The following STAC variants were observed in gnomAD, a reference collection of about 807,000 sequenced individuals.
STAC encodes SH3 and cysteine rich domain.
A neutral mutation model predicts 48.8 loss-of-function variants in STAC; 43 were observed. The observed-to-expected ratio is 0.88, with a 90% CI of 0.69 to 1.14. The LOEUF is 1.14. Among genes scored for constraint, STAC ranks in the 50% most tolerant of loss-of-function variants. The probability of loss-of-function intolerance (pLI) is 0.00; values close to 1 mark genes in which losing one functional copy is unlikely to be tolerated. For synonymous variants in STAC, 193 were observed against 179.5 expected (o/e 1.07, Z -0.60); for missense variants, 497 against 504.0 (o/e 0.99, Z 0.13).
At chr3:36,452,187 A>AT (rs541333913) in intron 2 of STAC, among the ~76,000 whole-genome samples, 1 of 152,046 alleles carries the variant, frequency 6.6e-6, no homozygotes, top group Admixed American at 6.6e-5. Flanking sequence ...GTGAGATTTT[A>AT]TTTTTTGCTT....
intron 3 of STAC, among the ~76,000 whole-genome samples, chr3:36,483,646 C>T (rs527553475): frequency 1.3e-5 from 2 of 152,238 alleles, no homozygotes; most frequent in South Asian, 4.2e-4. Flanking sequence ...GTCCTGGTGC[C>T]ACATATTGAT....
chr3:36,386,751 A>G (rs920483370), intron 1 of STAC, among the ~76,000 whole-genome samples: 17 of 152,116 alleles, frequency 1.1e-4, no homozygotes, highest in Non-Finnish European at 2.1e-4. Context: ...ACCTTCTACC[A>G]GTACAGCACT....
At chr3:36,499,827 C>A (rs1381192158) in intron 6 of STAC, among the ~76,000 whole-genome samples, 1 of 151,174 alleles carries the variant, frequency 6.6e-6, no homozygotes. Context: ...ACTTTTCAGA[C>A]ATAGAAACCA....
chr3:36,526,563 C>A (rs936233136), intron 8 of STAC, among the ~76,000 whole-genome samples: 4 of 152,148 alleles, frequency 2.6e-5, no homozygotes, highest in African/African-American at 9.7e-5. Flanking sequence ...AACACCCAGG[C>A]CTGTGAGTGA....
chr3:36,413,735 T>C (rs1352804210), intron 1 of STAC, among the ~76,000 whole-genome samples: 2 of 152,194 alleles, frequency 1.3e-5, no homozygotes, highest in African/African-American at 2.4e-5. Flanking sequence ...AGCTGGTTAT[T>C]TTGCTCATTA....
rs572052214 is a variant in STAC at position 36,478,522 on chromosome 3, TCTCA to T, written c.389-4466_389-4463del. 7.0e-4 allele frequency among the ~76,000 whole-genome samples: 106 copies of T among 152,294 alleles called. 2 individuals are homozygous for T. The highest frequency in any genetic ancestry group is 3.4e-3 in the Middle Eastern group (1 of 294). On this transcript the variant is annotated intron_variant, in intron 2 of 10. Transcript: ENST00000273183. The stretch of plus-strand genomic sequence containing the variant: ...ATTTACTTATTTTATTGAGACGGAA[TCTCA>T]CTCCGTCACTGAGGCAGGAGTGCAG...
At chr3:36,418,719 G>T (rs1700376351) in intron 1 of STAC, among the ~76,000 whole-genome samples, 1 of 151,842 alleles carries the variant, frequency 6.6e-6, no homozygotes, top group Non-Finnish European at 1.5e-5. Flanking sequence ...TTTTACTACT[G>T]ATTCATTTCT....
At chr3:36,425,096 G>A (rs761596709) in intron 1 of STAC, among the ~76,000 whole-genome samples, 16 of 152,250 alleles carry the variant, frequency 1.1e-4, no homozygotes, top group Middle Eastern at 6.8e-3. Flanking sequence ...TTGAAATGAC[G>A]TATGGGATGA....
intron 8 of STAC, 147 bp downstream of exon 8, chr3:36,505,981 G>C (rs1339294841): frequency 1.5e-5 from 8 of 547,428 alleles, no homozygotes; most frequent in Non-Finnish European, 2.6e-5. Context: ...CTGCAAGGCT[G>C]GTTAACACAC....
intron 2 of STAC, among the ~76,000 whole-genome samples, chr3:36,444,519 G>A (rs975899739): frequency 3.3e-5 from 5 of 152,196 alleles, no homozygotes; most frequent in Admixed American, 2.0e-4. Context: ...TTCTCATGGC[G>A]AGGACAACTG....
intron 2 of STAC, among the ~76,000 whole-genome samples, chr3:36,475,883 T>C (rs1195064507): frequency 5.3e-5 from 8 of 152,196 alleles, no homozygotes; most frequent in Non-Finnish European, 8.8e-5. Flanking sequence ...AGGAGTCTGA[T>C]GGAACAGTAT....
intron 2 of STAC, among the ~76,000 whole-genome samples, chr3:36,466,899 GA>G (rs1697193269): frequency 6.6e-6 from 1 of 151,638 alleles, no homozygotes; most frequent in Non-Finnish European, 1.5e-5. Flanking sequence ...TAGAAATGTT[GA>G]AAGTGGGCAT....
intron 2 of STAC, among the ~76,000 whole-genome samples, chr3:36,473,843 A>G (rs1306756837): frequency 6.6e-6 from 1 of 152,202 alleles, no homozygotes; most frequent in Admixed American, 6.5e-5. Context: ...TAAAAGAATC[A>G]ACAAAGCCGA....
At chr3:36,474,481 G>C (rs1697436872) in intron 2 of STAC, among the ~76,000 whole-genome samples, 1 of 152,202 alleles carries the variant, frequency 6.6e-6, no homozygotes, top group African/African-American at 2.4e-5. Flanking sequence ...CCAGAACAGA[G>C]TAGAGATCTC....
chr3:36,392,287 C>T (rs1170093179), intron 1 of STAC, among the ~76,000 whole-genome samples: 2 of 152,096 alleles, frequency 1.3e-5, no homozygotes, highest in Admixed American at 1.3e-4. Context: ...CTTCTTTATC[C>T]TCAAGTTCCT....
At chr3:36,419,502 C>T (rs953935539) in intron 1 of STAC, among the ~76,000 whole-genome samples, 1 of 151,984 alleles carries the variant, frequency 6.6e-6, no homozygotes, top group Admixed American at 6.6e-5. Flanking sequence ...GTGATTGTAC[C>T]ACCACACAAT....
At chr3:36,504,688 T>C (rs1698358088) in intron 7 of STAC, among the ~76,000 whole-genome samples, 1 of 152,168 alleles carries the variant, frequency 6.6e-6, no homozygotes, top group Admixed American at 6.5e-5. Flanking sequence ...TGTTATATAA[T>C]GTGTAGATTA....
intron 8 of STAC, among the ~76,000 whole-genome samples, chr3:36,506,901 T>C (rs934878269): frequency 5.9e-5 from 9 of 152,196 alleles, no homozygotes; most frequent in Admixed American, 3.9e-4. Context: ...CTCTTTCTAT[T>C]TGAATATGCT....
At position 36,546,568 on chromosome 3, in the gene STAC, C is replaced by G. The variant is rs1271936104; in HGVS notation, c.*279C>G. On this transcript the variant is annotated 3_prime_UTR_variant, in exon 11 of 11. Coordinates refer to ENST00000273183, the MANE Select transcript of STAC (RefSeq NM_003149.3). ...GCAGCAGTAGGACTATAAACCACAG[C>G]TGTCCCCCAGGATCCCACTCCTTTC... 2.0e-6 allele frequency: 1 copy of G among 498,086 alleles called. No homozygotes were observed. Among genetic ancestry groups the G allele is most frequent in the African/African-American group, 1.9e-5 (1 of 52,304 alleles). 30.9% of individuals were successfully genotyped at this position (498,086 alleles called of 1,614,324 possible).
Sources: allele counts gnomAD v4.1 joint callset (sites outside exome capture counted in the v4.1 genomes callset), GRCh38; gene constraint gnomAD v4.1.1; transcripts MANE v1.5; gene names NCBI Gene and HGNC (gene_info 2026-07-23, HGNC 2026-07-21).